The following CACNA2D3 variants were observed in gnomAD, a reference collection of about 807,000 sequenced individuals.
CACNA2D3 encodes voltage-dependent calcium channel subunit alpha-2/delta-3.
CACNA2D3 carries 60 observed loss-of-function variants against 160.6 expected under a neutral mutation model. The ratio of observed to expected loss-of-function variants is 0.37; its 90% CI spans 0.30 to 0.46. CACNA2D3 has a LOEUF of 0.46. Ranked by LOEUF, CACNA2D3 falls within the 20% of genes least tolerant of loss-of-function variation. CACNA2D3 has a pLI of 1.00. For missense variants in CACNA2D3, 1,205 were observed against 1,365.0 expected, an observed-to-expected ratio of 0.88 and a Z score of 1.85; for synonymous variants, 558 against 492.9, an observed-to-expected ratio of 1.13 and a Z score of -1.75.
At chr3:54,839,161 G>A (rs1698764665) in intron 16 of CACNA2D3, among the ~76,000 whole-genome samples, 1 of 152,144 alleles carries the variant, frequency 6.6e-6, no homozygotes, top group Non-Finnish European at 1.5e-5. Flanking sequence ...GGGAGGCTGA[G>A]GCAGGAGAAT....
At chr3:54,310,918 C>G (rs73093681) in intron 2 of CACNA2D3, among the ~76,000 whole-genome samples, 1 of 152,280 alleles carries the variant, frequency 6.6e-6, no homozygotes, top group Non-Finnish European at 1.5e-5. Context: ...TGTTACGTGG[C>G]TAGTACATGG....
chr3:55,065,775 T>A (rs1704622311), intron 35 of CACNA2D3, among the ~76,000 whole-genome samples: 1 of 151,444 alleles, frequency 6.6e-6, no homozygotes, highest in South Asian at 2.1e-4. Context: ...GAAAAAAAAA[T>A]TGTTTCATGT....
At position 54,311,425 on chromosome 3, in the gene CACNA2D3, G is replaced by C. The variant is rs1044413671; in HGVS notation, c.205-9017G>C. Among the ~76,000 whole-genome samples the C allele has an allele frequency of 1.1e-4, 17 of 152,202 alleles. 1 individual carries two copies. Among genetic ancestry groups the C allele is most frequent in the African/African-American group, 4.1e-4 (17 of 41,446 alleles). On this transcript the variant is annotated intron_variant, in intron 2 of 37. Coordinates refer to ENST00000474759, the MANE Select transcript of CACNA2D3 (RefSeq NM_018398.3). ...CATAGACTACATCTTCCAGGAAGCA[G>C]GGAATCATATATGCTGCATAGGCAT...
intron 2 of CACNA2D3, among the ~76,000 whole-genome samples, chr3:54,148,091 C>G (rs1397973961): frequency 6.6e-6 from 1 of 152,238 alleles, no homozygotes; most frequent in Non-Finnish European, 1.5e-5. Context: ...GCCACTGCGC[C>G]CAGCTGATGG....
intron 31 of CACNA2D3, among the ~76,000 whole-genome samples, chr3:55,001,531 A>G (rs1436195615): frequency 1.3e-5 from 2 of 152,228 alleles, no homozygotes; most frequent in Non-Finnish European, 1.5e-5. Flanking sequence ...TTTCACAGAT[A>G]GGAAACTGAG....
chr3:54,385,869 T>G, intron 3 of CACNA2D3: 1 of 488,036 alleles, frequency 2.0e-6, no homozygotes, highest in Non-Finnish European at 4.1e-6. Context: ...TTTGCTTGGA[T>G]CTAAGATTTT....
chr3:54,515,879 C>T (rs1701542072), intron 5 of CACNA2D3, among the ~76,000 whole-genome samples: 2 of 152,178 alleles, frequency 1.3e-5, no homozygotes, highest in South Asian at 4.1e-4. Context: ...ACTGTGCAGT[C>T]CCATTTGTTC....
intron 3 of CACNA2D3, among the ~76,000 whole-genome samples, chr3:54,380,537 G>A (rs1168190556): frequency 2.0e-5 from 3 of 152,028 alleles, no homozygotes; most frequent in Admixed American, 6.6e-5. Flanking sequence ...AGGAGATGGA[G>A]ACCATCCTGG....
At chr3:54,764,157 A>G (rs1158020974) in intron 12 of CACNA2D3, 61 bp from the exon 13 acceptor site, 4 of 1,590,588 alleles carry the variant, frequency 2.5e-6, no homozygotes, top group Admixed American at 3.3e-5. Context: ...GCATATGCAT[A>G]TTCCCAGTTG....
intron 11 of CACNA2D3, among the ~76,000 whole-genome samples, chr3:54,710,242 G>T (rs557957241): frequency 6.6e-6 from 1 of 152,342 alleles, no homozygotes; most frequent in Admixed American, 6.5e-5. Context: ...TAAGTATGAT[G>T]AAGGGAAAAT....
chr3:54,211,398 C>T (rs1233502326), intron 2 of CACNA2D3, among the ~76,000 whole-genome samples: 1 of 152,122 alleles, frequency 6.6e-6, no homozygotes, highest in South Asian at 2.1e-4. Flanking sequence ...GCCATGAATA[C>T]CCTGCACATA....
chr3:54,770,142 A>C (rs1420865294), intron 13 of CACNA2D3, among the ~76,000 whole-genome samples: 1 of 152,230 alleles, frequency 6.6e-6, no homozygotes, highest in Non-Finnish European at 1.5e-5. Flanking sequence ...GCCACAAAAT[A>C]TCTCACTTTT....
chr3:54,177,801 A>C (rs62251048), intron 2 of CACNA2D3: 2 of 151,804 alleles, frequency 1.3e-5, no homozygotes, highest in Non-Finnish European at 2.9e-5. Context: ...TTTGTCCCCT[A>C]TATTTATCTT....
chr3:54,716,568 A>G (rs1381271159), intron 11 of CACNA2D3, among the ~76,000 whole-genome samples: 1 of 152,020 alleles, frequency 6.6e-6, no homozygotes, highest in African/African-American at 2.4e-5. Context: ...TCAAATATAC[A>G]TTCATCTCTG....
chr3:54,138,052 C>T (rs974367146), intron 2 of CACNA2D3, among the ~76,000 whole-genome samples: 3 of 152,194 alleles, frequency 2.0e-5, no homozygotes, highest in Non-Finnish European at 2.9e-5. Flanking sequence ...TTCACCACTG[C>T]GACGATCCCA....
chr3:54,332,938 A>G (rs939859578), intron 3 of CACNA2D3, among the ~76,000 whole-genome samples: 4 of 152,158 alleles, frequency 2.6e-5, no homozygotes, highest in African/African-American at 4.8e-5. Flanking sequence ...AGGCTTTGAA[A>G]TCGGGAGTCC....
chr3:54,817,342 C>T (rs1299515826), intron 14 of CACNA2D3, among the ~76,000 whole-genome samples: 6 of 152,166 alleles, frequency 3.9e-5, no homozygotes, highest in Non-Finnish European at 7.3e-5. Context: ...CTAGCTTCAT[C>T]ATCCCAGAGA....
chr3:54,962,797 G>A (rs1375403484), intron 27 of CACNA2D3, among the ~76,000 whole-genome samples: 1 of 152,204 alleles, frequency 6.6e-6, no homozygotes, highest in Non-Finnish European at 1.5e-5. Context: ...GCAAATGGAA[G>A]TAGGGGTGTT....
intron 27 of CACNA2D3, among the ~76,000 whole-genome samples, chr3:54,921,089 T>C (rs193136270): frequency 1.7e-4 from 26 of 152,286 alleles, no homozygotes; most frequent in African/African-American, 3.1e-4. Context: ...TGATTACAGC[T>C]TGAGGGTCCC....
Sources: allele counts gnomAD v4.1 joint callset (sites outside exome capture counted in the v4.1 genomes callset), GRCh38; gene constraint gnomAD v4.1.1; transcripts MANE v1.5; gene names NCBI Gene and HGNC (gene_info 2026-07-23, HGNC 2026-07-21).